Variants in CREBZF observed in about 807,000 individuals in gnomAD.
CREBZF encodes the protein CREB/ATF bZIP transcription factor.
Under a neutral mutation model 21.1 loss-of-function variants are expected in CREBZF, and 8 were observed. That is an observed-to-expected ratio of 0.38 (90% CI 0.22 to 0.68). CREBZF has a LOEUF of 0.68. Ranked by LOEUF, CREBZF falls within the 30% of genes least tolerant of loss-of-function variation. The pLI is 0.51. For missense variants in CREBZF, 518 were observed against 484.3 expected, an observed-to-expected ratio of 1.07 and a Z score of -0.65; for synonymous variants, 270 against 223.3, an observed-to-expected ratio of 1.21 and a Z score of -1.86.
intron 1 of CREBZF, among the ~76,000 whole-genome samples, chr11:85,678,552 T>C (rs944922633): frequency 1.3e-5 from 2 of 152,226 alleles, no homozygotes; most frequent in Non-Finnish European, 2.9e-5. Context: ...GTTCATATAA[T>C]GCCAATATTA....
chr11:85,668,871 G>C (rs1327982408), upstream of CREBZF, among the ~76,000 whole-genome samples: 2 of 149,918 alleles, frequency 1.3e-5, no homozygotes, highest in African/African-American at 4.9e-5. Flanking sequence ...GCGTGGTAGC[G>C]GGCGCCTGTA....
upstream of CREBZF, among the ~76,000 whole-genome samples, chr11:85,667,537 A>G (rs1482656501): frequency 6.6e-6 from 1 of 152,200 alleles, no homozygotes; most frequent in African/African-American, 2.4e-5. Flanking sequence ...ATTTATGTGA[A>G]TTCTTTACAT....
At chr11:85,667,607 C>T (rs2082881624), upstream of CREBZF, among the ~76,000 whole-genome samples, 1 of 152,090 alleles carries the variant, frequency 6.6e-6, no homozygotes, top group Non-Finnish European at 1.5e-5. Flanking sequence ...AATCATTTTA[C>T]CATTTACTAG....
At position 85,671,603 on chromosome 11, in the gene CREBZF, C is replaced by T. The variant is rs140790755; in HGVS notation, n.148-8002G>A. ...GGGTAAATACACCTATTCCAAATGG[C>T]AGAACTTGGCCAAAACAAAGGGGCT... On this transcript the variant is annotated intron_variant and non_coding_transcript_variant, in intron 1 of 3. Transcript: ENST00000531515. Among the ~76,000 whole-genome samples, 671 of 152,320 alleles carry T rather than the reference C, an allele frequency of 4.4e-3. 6 individuals carry two copies. The highest frequency in any genetic ancestry group is 0.015 in the African/African-American group (632 of 41,568).
Position 85,664,612 on chromosome 11 carries a change from G to T in CREBZF, c.264C>A (p.Ile88=), listed in dbSNP as rs200873112. The part of the protein sequence containing the change: ...PSPEEMEEEA[I]ASLPGEETED... Reference sequence around the variant, plus strand: ...CCGTCTCTTCCCCCGGGAGGCTGGCGATCGCCTCCTCCTCCATCTCCTCGG... The same window carrying T: ...CCGTCTCTTCCCCCGGGAGGCTGGCTATCGCCTCCTCCTCCATCTCCTCGG... Residue 88 remains isoleucine, a synonymous_variant, in exon 1 of 1, where the codon ATC becomes ATA. Coordinates refer to ENST00000527447, the MANE Select transcript of CREBZF (RefSeq NM_001039618.4). The surrounding 1 kb of genome is among the most constrained non-coding windows in gnomAD (Gnocchi z 5.5). 13 of 1,613,400 alleles carry T rather than the reference G, an allele frequency of 8.1e-6. No individual in the cohort carries two copies. The highest frequency in any genetic ancestry group is 8.5e-7 in the Non-Finnish European group (1 of 1,179,830).
rs1393635200 is a variant in CREBZF, at chr11:85,658,371, TTCTA to T, written c.*5436_*5439del. ...AATGGTTTCTGTAACCAAAAAGTATTTCTAATATCTGTCCTCTGCCACATATTTT... is the reference window on the plus strand; with the variant it reads ...AATGGTTTCTGTAACCAAAAAGTATTATATCTGTCCTCTGCCACATATTTT... On this transcript the variant is annotated 3_prime_UTR_variant, in exon 1 of 1. Transcript: ENST00000527447. Among the ~76,000 whole-genome samples, 1 of 152,058 alleles carries T rather than the reference TTCTA, an allele frequency of 6.6e-6. No homozygotes were observed. The highest frequency in any genetic ancestry group is 1.5e-5 in the Non-Finnish European group (1 of 67,900).
chr11:85,663,697 CT>C lies in CREBZF; in HGVS notation c.*113del. ...CTAAACACTTTAAGATTCAATATTA[CT>C]TTTTTTCTCTCCTCTGAAATGTGTC... On this transcript the variant is annotated 3_prime_UTR_variant, in exon 1 of 1. Transcript: ENST00000527447. The C allele has an allele frequency of 6.2e-7, 1 of 1,607,130 alleles. No individual in the cohort carries two copies. Among genetic ancestry groups the C allele is most frequent in the Non-Finnish European group, 8.5e-7 (1 of 1,176,634 alleles).
At position 85,664,174 on chromosome 11, in the gene CREBZF, A is replaced by C. The variant is rs765317582; in HGVS notation, c.702T>G (p.Ser234Arg). 1 of 1,612,640 alleles carries C rather than the reference A, an allele frequency of 6.2e-7. No individual in the cohort carries two copies. The highest frequency in any genetic ancestry group is 1.1e-5 in the South Asian group (1 of 91,028). Residue 234 changes from serine to arginine, a missense_variant, in exon 1 of 1, where the codon AGT (serine) becomes AGG (arginine). Around this residue, in one of 3 missense-constraint regions of CREBZF, gnomAD observed 396 missense variants for 324.4 expected, o/e 1.22. Coordinates refer to ENST00000527447, the MANE Select transcript of CREBZF (RefSeq NM_001039618.4). This position sits in a 1 kb window ranked among gnomAD's most constrained non-coding sequence, Gnocchi z 5.5. The stretch of plus-strand genomic sequence containing the variant: ...TCTCGGCTGCCAGACCCCGGACTCG[A>C]CTCTCCAGCCCCATCACGTACTCCT... ...KKKEYVMGLE[S>R]RVRGLAAENQ...
At chr11:85,672,237 G>C (rs911874131) in intron 1 of CREBZF, among the ~76,000 whole-genome samples, 1 of 152,244 alleles carries the variant, frequency 6.6e-6, no homozygotes, top group South Asian at 2.1e-4. Flanking sequence ...CAAGTCCCTA[G>C]GCTGCACACA....
rs2082705192 is a variant in CREBZF, at chr11:85,662,153, C to A, written c.*1658G>T. The A allele has an allele frequency of 2.1e-6, 1 of 475,954 alleles. No individual in the cohort carries two copies. The highest frequency in any genetic ancestry group is 2.0e-5 in the African/African-American group (1 of 51,124). The allele number at this position is 475,954 out of a possible 1,614,324, so 29.5% of individuals were successfully genotyped here. The stretch of plus-strand genomic sequence containing the variant: ...ATTTTACAAAATATGCTGTGATGCA[C>A]TGGAAACCAAAGACCAATTCAGGTC... On this transcript the variant is annotated 3_prime_UTR_variant, in exon 1 of 1. Coordinates refer to ENST00000527447, the MANE Select transcript of CREBZF (RefSeq NM_001039618.4).
rs1200542369 is a variant in CREBZF at position 85,658,930 on chromosome 11, A to T, written c.*4881T>A. On this transcript the variant is annotated 3_prime_UTR_variant, in exon 1 of 1. Transcript: ENST00000527447. Reference sequence around the variant, plus strand: ...AAATATTTTCAACAATTTTGGGTCAACAAAAAGTATGGAATATTTTAAGAC... The same window carrying T: ...AAATATTTTCAACAATTTTGGGTCATCAAAAAGTATGGAATATTTTAAGAC... 6.6e-6 allele frequency among the ~76,000 whole-genome samples: 1 copy of T among 152,132 alleles called. No individual in the cohort carries two copies. The highest frequency in any genetic ancestry group is 6.6e-5 in the Admixed American group (1 of 15,264).
intron 1 of CREBZF, among the ~76,000 whole-genome samples, chr11:85,681,283 G>A (rs780614320): frequency 6.6e-5 from 10 of 152,188 alleles, no homozygotes; most frequent in African/African-American, 9.7e-5. Context: ...CTGGGGAAAG[G>A]AGGGCTGAGT....
chr11:85,682,735 G>A (rs987361141), exon 1 of CREBZF: 31 of 694,882 alleles, frequency 4.5e-5, no homozygotes, highest in Admixed American at 4.2e-4. Context: ...CCCTCAGCCC[G>A]CTTCCAGAAC....
At chr11:85,669,001 C>CCAAAAAAAAAAAAAAAA (rs2082891517), upstream of CREBZF, among the ~76,000 whole-genome samples, 1 of 33,182 alleles carries the variant, frequency 3.0e-5, no homozygotes, top group Non-Finnish European at 7.2e-5. Context: ...GACTCCGTCT[C>CCAAAAAAAAAAAAAAAA]AAAAAAAAAA....
In CREBZF at chr11:85,660,265, T is replaced by C. The variant is rs755084848; in HGVS notation, c.*3546A>G. 2.3e-5 allele frequency: 4 copies of C among 170,632 alleles called. No homozygotes were observed. Among genetic ancestry groups the C allele is most frequent in the Non-Finnish European group, 5.1e-5 (4 of 79,120 alleles). The allele number at this position is 170,632 out of a possible 1,614,324, so 10.6% of individuals were successfully genotyped here. ...AAACTCTAATTTCTTGATGAAATAC[T>C]GTAATTCTCCAAAGGTTACAATTTT... On this transcript the variant is annotated 3_prime_UTR_variant, in exon 1 of 1. Coordinates refer to ENST00000527447, the MANE Select transcript of CREBZF (RefSeq NM_001039618.4).
Position 85,658,299 on chromosome 11 carries a change from C to T in CREBZF, c.*5512G>A, listed in dbSNP as rs185657401. ...TACTTATCTTTAAACATTCCTAGTC[C>T]AATTACTCCCTAGCATAATACCATT... On this transcript the variant is annotated 3_prime_UTR_variant, in exon 1 of 1. Coordinates refer to ENST00000527447, the MANE Select transcript of CREBZF (RefSeq NM_001039618.4). Among the ~76,000 whole-genome samples, 3 of 152,096 alleles carry T rather than the reference C, an allele frequency of 2.0e-5. No homozygotes were observed. The highest frequency in any genetic ancestry group is 6.5e-5 in the Admixed American group (1 of 15,278).
chr11:85,660,498 A>G lies in CREBZF; in HGVS notation c.*3313T>C. The stretch of plus-strand genomic sequence containing the variant: ...GCATTCATTTTTTTCAGCAGATGCC[A>G]AATTTTTGACCGACATGGTTCTCAC... On this transcript the variant is annotated 3_prime_UTR_variant, in exon 1 of 1. Transcript: ENST00000527447. 1 of 413,818 alleles carries G rather than the reference A, an allele frequency of 2.4e-6. No individual in the cohort carries two copies. The highest frequency in any genetic ancestry group is 2.1e-5 in the African/African-American group (1 of 47,278). The allele number at this position is 413,818 out of a possible 1,614,324, so 25.6% of individuals were successfully genotyped here.
intron 1 of CREBZF, among the ~76,000 whole-genome samples, chr11:85,677,665 T>C (rs1379058793): frequency 6.6e-6 from 1 of 152,102 alleles, no homozygotes; most frequent in Non-Finnish European, 1.5e-5. Flanking sequence ...GCAAGAATAC[T>C]TCCTAGGAGG....
At chr11:85,676,004 A>G (rs1401468935) in intron 1 of CREBZF, among the ~76,000 whole-genome samples, 1 of 152,208 alleles carries the variant, frequency 6.6e-6, no homozygotes, top group Non-Finnish European at 1.5e-5. Flanking sequence ...ACTCCTTCTC[A>G]AGAAAGCGTT....
Sources: allele counts gnomAD v4.1 joint callset (sites outside exome capture counted in the v4.1 genomes callset), GRCh38; gene constraint gnomAD v4.1.1; regional missense constraint gnomAD v4.1.1; non-coding constraint Gnocchi (gnomAD v3.1); transcripts MANE v1.5; gene names NCBI Gene and HGNC (gene_info 2026-07-23, HGNC 2026-07-21).